Variants in LPGAT1 observed in about 807,000 individuals in gnomAD.
LPGAT1 encodes the protein lysophosphatidylglycerol acyltransferase 1, also known as acyl-CoA:lysophosphatidylglycerol acyltransferase 1.
In LPGAT1, 11 loss-of-function variants were observed where a neutral mutation model predicts 47.5. The ratio of observed to expected loss-of-function variants is 0.23; its 90% confidence interval spans 0.15 to 0.38. The LOEUF (loss-of-function observed/expected upper bound fraction) is 0.38, where lower values mean the gene tolerates loss of function less well. Among genes scored for constraint, LPGAT1 ranks in the 10% least tolerant of loss-of-function variants. The pLI, the probability that LPGAT1 is intolerant of heterozygous loss-of-function variation, is 1.00. For missense variants in LPGAT1, 293 were observed against 439.0 expected, an observed-to-expected ratio of 0.67 and a Z score of 2.97; for synonymous variants, 138 against 144.2, an observed-to-expected ratio of 0.96 and a Z score of 0.31.
intron 4 of LPGAT1, among the ~76,000 whole-genome samples, 166 bp downstream of exon 4, chr1:211,787,466 C>A (rs1030543152): frequency 7.1e-6 from 1 of 139,978 alleles, no homozygotes; most frequent in African/African-American, 2.7e-5. Flanking sequence ...CTAGCCTGGG[C>A]GACAGAGCGA....
At position 211,801,848 on chromosome 1, in the gene LPGAT1, G is replaced by A. The variant is rs532261421; in HGVS notation, c.239-8658C>T. 1.0e-3 allele frequency among the ~76,000 whole-genome samples: 153 copies of A among 152,086 alleles called. 2 individuals carry two copies. Among genetic ancestry groups the A allele is most frequent in the Non-Finnish European group, 4.4e-4 (30 of 67,998 alleles). On this transcript the variant is annotated intron_variant, in intron 2 of 7. Coordinates refer to ENST00000366997, the MANE Select transcript of LPGAT1 (RefSeq NM_014873.3). ...TAATCCCAGCACTTTGGGAGGCTGAGGAGGGTGGATCACTTGAGGTCAGGA... is the reference window on the plus strand; with the variant it reads ...TAATCCCAGCACTTTGGGAGGCTGAAGAGGGTGGATCACTTGAGGTCAGGA...
intron 2 of LPGAT1, among the ~76,000 whole-genome samples, chr1:211,825,638 A>T (rs1188284998): frequency 6.6e-6 from 1 of 152,196 alleles, no homozygotes; most frequent in Non-Finnish European, 1.5e-5. Flanking sequence ...TCAACGTGAG[A>T]TATCTGTACA....
rs1258424707 is a variant in LPGAT1, at chr1:211,820,811, C to T, written c.238+8248G>A. 2.9e-4 allele frequency among the ~76,000 whole-genome samples: 44 copies of T among 151,854 alleles called. 1 individual carries two copies. On this transcript the variant is annotated intron_variant, in intron 2 of 7. Transcript: ENST00000366997. ...AAAGATATGATTAAAGAAAACTTTC[C>T]TGAAATGAAAATACGTTTGAATCTA...
chr1:211,780,062 A>G (rs2102533389), intron 5 of LPGAT1, among the ~76,000 whole-genome samples: 1 of 151,488 alleles, frequency 6.6e-6, no homozygotes, highest in South Asian at 2.1e-4. Flanking sequence ...TTGTAATCCC[A>G]GCTACTCGGG....
chr1:211,819,827 A>C (rs1336359441), intron 2 of LPGAT1, among the ~76,000 whole-genome samples: 2 of 152,128 alleles, frequency 1.3e-5, no homozygotes, highest in African/African-American at 2.4e-5. Flanking sequence ...TCTACTAAAA[A>C]TACAAAAATT....
intron 2 of LPGAT1, among the ~76,000 whole-genome samples, chr1:211,826,030 CCA>C (rs1660535901): frequency 6.6e-6 from 1 of 152,098 alleles, no homozygotes; most frequent in Non-Finnish European, 1.5e-5. Context: ...TGAACAAACC[CCA>C]GTGTCTTCAG....
intron 2 of LPGAT1, among the ~76,000 whole-genome samples, chr1:211,815,025 C>T (rs1660120941): frequency 6.6e-6 from 1 of 152,146 alleles, no homozygotes; most frequent in Non-Finnish European, 1.5e-5. Context: ...TCCCATCTTC[C>T]TCTCTTAACC....
intron 6 of LPGAT1, among the ~76,000 whole-genome samples, chr1:211,764,920 G>A (rs904500223): frequency 1.3e-5 from 2 of 152,112 alleles, no homozygotes; most frequent in African/African-American, 4.8e-5. Flanking sequence ...CCCTCCTCTT[G>A]AGCCTTGTTC....
In LPGAT1 at chr1:211,810,875, T is replaced by C. The variant is rs990788442; in HGVS notation, c.239-17685A>G. 3.3e-5 allele frequency among the ~76,000 whole-genome samples: 5 copies of C among 152,158 alleles called. No individual in the cohort carries two copies. In the East Asian group the frequency reaches 9.6e-4, roughly 29 times the overall value. The stretch of plus-strand genomic sequence containing the variant: ...TATCTATAAATACAAATTCAGATTA[T>C]AGGATTACTTTTAAAAGTCAGATAC... On this transcript the variant is annotated intron_variant, in intron 2 of 7. Transcript: ENST00000366997.
At chr1:211,799,795 C>T (rs1341484731) in intron 2 of LPGAT1, among the ~76,000 whole-genome samples, 3 of 152,084 alleles carry the variant, frequency 2.0e-5, no homozygotes, top group African/African-American at 4.8e-5. Flanking sequence ...GTCTTTGGAC[C>T]CAGATGGGAT....
At chr1:211,767,637 G>A (rs1657973286) in intron 6 of LPGAT1, among the ~76,000 whole-genome samples, 1 of 152,110 alleles carries the variant, frequency 6.6e-6, no homozygotes, top group South Asian at 2.1e-4. Flanking sequence ...CTTCTCTAGG[G>A]AAGAGCAGGA....
intron 3 of LPGAT1, among the ~76,000 whole-genome samples, chr1:211,789,234 A>C (rs1280549894): frequency 6.6e-6 from 1 of 152,234 alleles, no homozygotes; most frequent in Non-Finnish European, 1.5e-5. Flanking sequence ...AACAAAAAGC[A>C]GTGGATTCAA....
At chr1:211,793,257 T>C (rs1659210121) in intron 2 of LPGAT1, 67 bp from the exon 3 acceptor site, 1 of 1,004,758 alleles carries the variant, frequency 1.0e-6, no homozygotes, top group Non-Finnish European at 1.5e-6. Flanking sequence ...AACCTTATAT[T>C]AGAAAAAATG....
intron 4 of LPGAT1, among the ~76,000 whole-genome samples, chr1:211,785,159 G>A (rs764289755): frequency 5.3e-5 from 8 of 152,106 alleles, no homozygotes; most frequent in Non-Finnish European, 8.8e-5. Context: ...CAAAATTACA[G>A]AAACTCCTCA....
chr1:211,787,944 A>T (rs147149324), intron 3 of LPGAT1, among the ~76,000 whole-genome samples: 286 of 152,370 alleles, frequency 1.9e-3, no homozygotes, highest in African/African-American at 6.6e-3. Context: ...CCTAAGTCAC[A>T]GGTACATATA....
intron 2 of LPGAT1, among the ~76,000 whole-genome samples, chr1:211,802,094 A>T (rs1003078616): frequency 4.0e-5 from 6 of 151,332 alleles, no homozygotes; most frequent in Non-Finnish European, 7.4e-5. Flanking sequence ...TCTCAAAAAA[A>T]AAAAAAAAGA....
intron 4 of LPGAT1, among the ~76,000 whole-genome samples, chr1:211,787,351 G>T (rs192545028): frequency 6.6e-6 from 1 of 152,000 alleles, no homozygotes; most frequent in African/African-American, 2.4e-5. Flanking sequence ...TTAGCTGGGC[G>T]TAGTGGCATG....
intron 2 of LPGAT1, among the ~76,000 whole-genome samples, chr1:211,811,574 T>A (rs753745972): frequency 6.6e-6 from 1 of 152,122 alleles, no homozygotes; most frequent in African/African-American, 2.4e-5. Context: ...CTGGCCAACA[T>A]GATGAAACTC....
intron 2 of LPGAT1, among the ~76,000 whole-genome samples, chr1:211,808,823 T>C (rs747353985): frequency 1.4e-4 from 21 of 152,206 alleles, no homozygotes; most frequent in Non-Finnish European, 2.4e-4. Context: ...CATTACTAAA[T>C]GGACTGCACT....
Sources: allele counts gnomAD v4.1 joint callset (sites outside exome capture counted in the v4.1 genomes callset), GRCh38; gene constraint gnomAD v4.1.1; transcripts MANE v1.5; gene names NCBI Gene and HGNC (gene_info 2026-07-23, HGNC 2026-07-21).